The following MARK3 variants were observed in gnomAD, a reference collection of about 807,000 sequenced individuals.
MARK3 encodes MAP/microtubule affinity-regulating kinase 3.
A neutral mutation model predicts 90.1 loss-of-function variants in MARK3; 46 were observed. The observed-to-expected ratio is 0.51, with a 90% confidence interval of 0.40 to 0.65. The LOEUF is 0.65. MARK3 is among the 30% of genes least tolerant of loss of function. The pLI is 0.00. For synonymous variants in MARK3, 321 were observed against 332.6 expected, an observed-to-expected ratio of 0.97 and a Z score of 0.38; for missense variants, 818 against 947.2, an observed-to-expected ratio of 0.86 and a Z score of 1.79.
chr14:103,495,816 A>G (rs2075307681), intron 15 of MARK3, among the ~76,000 whole-genome samples: 1 of 152,198 alleles, frequency 6.6e-6, no homozygotes, highest in East Asian at 1.9e-4. Context: ...CTTAAAAACA[A>G]TCAAAATCCT....
chr14:103,400,032 G>T (rs1033370985), intron 1 of MARK3, among the ~76,000 whole-genome samples: 1 of 151,478 alleles, frequency 6.6e-6, no homozygotes, highest in Non-Finnish European at 1.5e-5. Flanking sequence ...TTGTTCAAGC[G>T]ATTCTCATGC....
At chr14:103,474,312 C>T (rs1456465302) in intron 12 of MARK3, among the ~76,000 whole-genome samples, 2 of 152,226 alleles carry the variant, frequency 1.3e-5, no homozygotes, top group African/African-American at 4.8e-5. Flanking sequence ...TCTTTGCCCT[C>T]TGAATCTCCT....
intron 17 of MARK3, among the ~76,000 whole-genome samples, 158 bp from the exon 18 acceptor site, chr14:103,502,724 C>T (rs1381770792): frequency 6.6e-6 from 1 of 152,102 alleles, no homozygotes; most frequent in East Asian, 1.9e-4. Flanking sequence ...AGAAAATAGA[C>T]GAAAATAGAC....
At chr14:103,467,978 A>G (rs1323711383) in intron 11 of MARK3, 55 bp from the exon 12 acceptor site, 3 of 1,576,980 alleles carry the variant, frequency 1.9e-6, no homozygotes, top group Non-Finnish European at 8.6e-7. Flanking sequence ...TAACTTCCTA[A>G]TAAGCCATTT....
chr14:103,428,422 T>C lies in MARK3; in HGVS notation c.279T>C (p.Asn93=). ...AIKIIDKTQL[N]PTSLQKLFRE... The stretch of plus-strand genomic sequence containing the variant: ...AAATAATTGACAAAACTCAGTTGAA[T>C]CCAACAAGTCTACAAAAGGTAAGAT... Residue 93 remains asparagine (N), a synonymous_variant, in exon 3 of 18, where the codon AAT becomes AAC. Coordinates refer to ENST00000429436, the MANE Select transcript of MARK3 (RefSeq NM_001128918.3). 1 of 1,504,608 alleles carries C rather than the reference T, an allele frequency of 6.6e-7. No homozygotes were observed. Among genetic ancestry groups the C allele is most frequent in the Non-Finnish European group, 9.0e-7 (1 of 1,109,548 alleles). 93.2% of individuals were successfully genotyped at this position (1,504,608 alleles called of 1,614,324 possible).
At chr14:103,422,374 G>A (rs148331774) in intron 2 of MARK3, among the ~76,000 whole-genome samples, 1 of 152,314 alleles carries the variant, frequency 6.6e-6, no homozygotes, top group East Asian at 1.9e-4. Flanking sequence ...AGAATTGCTT[G>A]AACCCAGGAG....
intron 5 of MARK3, among the ~76,000 whole-genome samples, chr14:103,453,694 C>G (rs995125373): frequency 6.6e-6 from 1 of 152,178 alleles, no homozygotes; most frequent in Non-Finnish European, 1.5e-5. Flanking sequence ...TTATGGAGTT[C>G]TAATACTTTC....
At chr14:103,450,378 T>C (rs756888795) in intron 4 of MARK3, among the ~76,000 whole-genome samples, 2 of 152,230 alleles carry the variant, frequency 1.3e-5, no homozygotes, top group Non-Finnish European at 2.9e-5. Flanking sequence ...CACTGTTGCC[T>C]AGAACAAGCT....
At chr14:103,389,529 A>AAAAAAAAAAAAAC (rs2090073442) in intron 1 of MARK3, among the ~76,000 whole-genome samples, 1 of 65,246 alleles carries the variant, frequency 1.5e-5, no homozygotes, top group Non-Finnish European at 3.4e-5. Context: ...CTCTGTCTCC[A>AAAAAAAAAAAAAC]AAAAAAAAAA....
In MARK3 at chr14:103,448,953, A is replaced by G. The variant is rs2093063458; in HGVS notation, c.332A>G (p.Asn111Ser). ...GAAGTAAGAATAATGAAGATTTTAAATCATCCCAATATAGGTACTTTCTGC... is the reference window on the plus strand; with the variant it reads ...GAAGTAAGAATAATGAAGATTTTAAGTCATCCCAATATAGGTACTTTCTGC... ...FREVRIMKIL[N>S]HPNIVKLFEV... The change falls in exon 4 of 18, where the codon AAT (asparagine) becomes AGT (serine). Residue 111 changes from asparagine (N) to serine (S), a missense_variant. Asn to Ser is a conservative substitution (Grantham distance 46, BLOSUM62 1). Around this residue, in one of 3 missense-constraint regions of MARK3, gnomAD observed 157 missense variants for 158.7 expected, o/e 0.99. Coordinates refer to ENST00000429436, the MANE Select transcript of MARK3 (RefSeq NM_001128918.3). 1 of 1,568,404 alleles carries G rather than the reference A, an allele frequency of 6.4e-7. No individual in the cohort carries two copies. The highest frequency in any genetic ancestry group is 1.9e-5 in the Admixed American group (1 of 53,168).
chr14:103,427,170 T>TA (rs1397704415), intron 2 of MARK3, among the ~76,000 whole-genome samples: 2 of 151,246 alleles, frequency 1.3e-5, no homozygotes, highest in South Asian at 4.2e-4. Flanking sequence ...TTTTCTTTTT[T>TA]TTTTTTCTTT....
intron 3 of MARK3, among the ~76,000 whole-genome samples, chr14:103,438,067 C>A (rs2092758622): frequency 1.3e-5 from 2 of 152,154 alleles, no homozygotes; most frequent in South Asian, 4.1e-4. Context: ...ATGGCGTGAT[C>A]TCGGCTAACC....
intron 3 of MARK3, among the ~76,000 whole-genome samples, chr14:103,448,533 C>T (rs1354650412): frequency 1.3e-5 from 2 of 152,100 alleles, no homozygotes; most frequent in Admixed American, 6.6e-5. Flanking sequence ...TTCACTGGAA[C>T]CATACAGGTT....
At chr14:103,470,453 C>CAATTTTTTTTTTTTTT (rs1299534465) in intron 12 of MARK3, among the ~76,000 whole-genome samples, 34 of 24,208 alleles carry the variant, frequency 1.4e-3, no homozygotes, top group Non-Finnish European at 2.3e-3. Flanking sequence ...GGAACTAAAT[C>CAATTTTTTTTTTTTTT]TATTTTTTTT....
intron 1 of MARK3, among the ~76,000 whole-genome samples, chr14:103,401,446 A>G (rs1595475510): frequency 2.0e-5 from 3 of 152,292 alleles, no homozygotes; most frequent in Admixed American, 2.0e-4. Flanking sequence ...ATTTAACACA[A>G]TAAAAAACTT....
At chr14:103,427,430 A>G (rs1034074582) in intron 2 of MARK3, among the ~76,000 whole-genome samples, 1 of 140,792 alleles carries the variant, frequency 7.1e-6, no homozygotes, top group East Asian at 2.2e-4. Flanking sequence ...AACTTGGGAG[A>G]TGGAGGTTGC....
At chr14:103,451,756 T>G (rs949684757) in intron 4 of MARK3, among the ~76,000 whole-genome samples, 162 bp from the exon 5 acceptor site, 5 of 152,250 alleles carry the variant, frequency 3.3e-5, no homozygotes, top group African/African-American at 7.2e-5. Flanking sequence ...TTTCTGTTGT[T>G]GTGGTATTTG....
At position 103,385,628 on chromosome 14, in the gene MARK3, C is replaced by T. The variant is rs534928111; in HGVS notation, c.-402C>T. ...TCCTCCGCCTCCTCGTTTTCAGGCGCCGCCGGCGGCGCTGTGTGGAGGCCC... is the reference window on the plus strand; with the variant it reads ...TCCTCCGCCTCCTCGTTTTCAGGCGTCGCCGGCGGCGCTGTGTGGAGGCCC... On this transcript the variant is annotated 5_prime_UTR_variant, in exon 1 of 18. Coordinates refer to ENST00000429436, the MANE Select transcript of MARK3 (RefSeq NM_001128918.3). 117 of 166,976 alleles carry T rather than the reference C, an allele frequency of 7.0e-4. No homozygotes were observed. Among genetic ancestry groups the T allele is most frequent in the Non-Finnish European group, 1.3e-3 (99 of 78,152 alleles). The allele number at this position is 166,976 out of a possible 1,614,324, so 10.3% of individuals were successfully genotyped here. A position where few individuals can be genotyped will look rare whatever the true frequency, so the allele number is the denominator to read the frequency against.
intron 3 of MARK3, among the ~76,000 whole-genome samples, chr14:103,436,960 G>A (rs914142673): frequency 3.9e-5 from 6 of 152,134 alleles, no homozygotes; most frequent in Non-Finnish European, 7.3e-5. Flanking sequence ...AGGTGTGGTG[G>A]CGCATGCCTG....
Sources: gnomAD v4.1 joint callset for allele counts (sites outside exome capture counted in the v4.1 genomes callset) on GRCh38, gnomAD v4.1.1 for gene constraint, gnomAD v4.1.1 regional missense constraint, MANE v1.5 for transcripts, NCBI Gene and HGNC (gene_info 2026-07-23, HGNC 2026-07-21) for gene names.